The following SSPN variants were observed in gnomAD, a reference collection of about 807,000 sequenced individuals.
SSPN encodes the protein sarcospan, also known as K-ras oncogene-associated protein.
A neutral mutation model predicts 19.1 loss-of-function variants in SSPN; 15 were observed. The ratio of observed to expected loss-of-function variants is 0.78; its 90% CI spans 0.52 to 1.21. The LOEUF is 1.21. SSPN is among the 50% of genes most tolerant of loss of function. SSPN has a pLI of 0.00. For synonymous variants in SSPN, 147 were observed against 140.3 expected, an observed-to-expected ratio of 1.05 and a Z score of -0.34; for missense variants, 291 against 314.0, an observed-to-expected ratio of 0.93 and a Z score of 0.55.
chr12:26,176,448 C>T (rs1944684359), intron 1 of SSPN, among the ~76,000 whole-genome samples: 1 of 151,592 alleles, frequency 6.6e-6, no homozygotes, highest in Non-Finnish European at 1.5e-5. Context: ...AAATTTACTT[C>T]TGGAATTAAG....
intron 1 of SSPN, among the ~76,000 whole-genome samples, chr12:26,176,421 G>A (rs1944684187): frequency 6.6e-6 from 1 of 151,970 alleles, no homozygotes; most frequent in Non-Finnish European, 1.5e-5. Flanking sequence ...TCCTTAAAGC[G>A]GTATCAAAAG....
chr12:26,127,683 A>G (rs780556317), intron 1 of SSPN, among the ~76,000 whole-genome samples: 32 of 151,706 alleles, frequency 2.1e-4, no homozygotes, highest in Admixed American at 3.3e-4. Flanking sequence ...TTTCCCTGTT[A>G]AATGCCAGCT....
intron 1 of SSPN, among the ~76,000 whole-genome samples, chr12:26,136,068 C>T (rs1032399579): frequency 6.6e-6 from 1 of 152,202 alleles, no homozygotes; most frequent in Non-Finnish European, 1.5e-5. Flanking sequence ...TGTGTCTGTA[C>T]TGAACATGTA....
At chr12:26,123,561 T>C in intron 1 of SSPN, 14 of 1,078,884 alleles carry the variant, frequency 1.3e-5, no homozygotes, top group Non-Finnish European at 1.9e-5. Context: ...GGTGAGGGAG[T>C]CCTGACACTG....
chr12:26,150,220 G>A (rs888744698), intron 1 of SSPN, among the ~76,000 whole-genome samples: 1 of 152,150 alleles, frequency 6.6e-6, no homozygotes, highest in African/African-American at 2.4e-5. Flanking sequence ...GCAGCTTGGG[G>A]GTGCTTTATT....
chr12:26,124,958 G>A (rs1944350795), intron 1 of SSPN: 2 of 690,436 alleles, frequency 2.9e-6, no homozygotes, highest in Non-Finnish European at 5.2e-6. Context: ...CACCGCGCTC[G>A]CACACACACA....
intron 1 of SSPN, among the ~76,000 whole-genome samples, chr12:26,144,728 A>G (rs1344767760): frequency 6.6e-6 from 1 of 152,218 alleles, no homozygotes; most frequent in Non-Finnish European, 1.5e-5. Flanking sequence ...TTCAAGACAG[A>G]TACTGAGCTC....
At chr12:26,185,464 GTCGGTCAGCTCTTCCCCCAC>G (rs1944747347) in intron 1 of SSPN, among the ~76,000 whole-genome samples, 1 of 152,170 alleles carries the variant, frequency 6.6e-6, no homozygotes, top group Non-Finnish European at 1.5e-5. Flanking sequence ...TGGGTATTTA[GTCGGTCAGCTCTTCCCCCAC>G]TCACACAGCA....
chr12:26,122,613 G>A (rs752560010), intron 1 of SSPN: 9 of 1,135,200 alleles, frequency 7.9e-6, no homozygotes, highest in Non-Finnish European at 9.7e-6. Context: ...AAGCGCGGCT[G>A]CCGCCGCCGC....
chr12:26,212,827 T>C (rs999521998), intron 1 of SSPN, among the ~76,000 whole-genome samples: 1 of 152,164 alleles, frequency 6.6e-6, no homozygotes, highest in Non-Finnish European at 1.5e-5. Context: ...GAAGCTTCTA[T>C]TTTGAGCTTG....
Position 26,233,713 on chromosome 12 carries a change from A to G in SSPN, c.*2637A>G, listed in dbSNP as rs1244383853. On this transcript the variant is annotated 3_prime_UTR_variant, in exon 3 of 3. Transcript: ENST00000242729. The surrounding 1 kb of genome is among the most constrained non-coding windows in gnomAD (Gnocchi z 4.3). ...CGCCAAGATGGTGACTGTCTCCTCTAAACCACGAAAGAGTAAGATTTGTGC... is the reference window on the plus strand; with the variant it reads ...CGCCAAGATGGTGACTGTCTCCTCTGAACCACGAAAGAGTAAGATTTGTGC... The G allele has an allele frequency of 1.3e-5, 2 of 152,336 alleles. No individual in the cohort carries two copies. The highest frequency in any genetic ancestry group is 3.9e-4 in the East Asian group (2 of 5,192). 9.4% of individuals were successfully genotyped at this position (152,336 alleles called of 1,614,324 possible).
At chr12:26,122,898 C>G (rs1417662006) in intron 1 of SSPN, 3 of 1,548,896 alleles carry the variant, frequency 1.9e-6, no homozygotes, top group Non-Finnish European at 2.6e-6. Context: ...CTGCCCCGCG[C>G]GCTCCAGGCA....
intron 1 of SSPN, among the ~76,000 whole-genome samples, chr12:26,189,875 C>T (rs1204989293): frequency 6.6e-6 from 1 of 152,142 alleles, no homozygotes; most frequent in Non-Finnish European, 1.5e-5. Context: ...GAATTTGAGG[C>T]ACTTTTGGAA....
intron 2 of SSPN, among the ~76,000 whole-genome samples, chr12:26,225,877 C>A (rs1272135679): frequency 1.3e-5 from 2 of 151,886 alleles, no homozygotes; most frequent in Non-Finnish European, 2.9e-5. Context: ...CCCTCATTTT[C>A]CCCCCAGATG....
intron 1 of SSPN, among the ~76,000 whole-genome samples, chr12:26,184,720 A>T (rs1176790427): frequency 6.6e-6 from 1 of 152,206 alleles, no homozygotes; most frequent in Non-Finnish European, 1.5e-5. Context: ...GAGCATCCAC[A>T]GAGGAAAGAC....
In SSPN at chr12:26,145,416, TGG is replaced by T. The variant is rs1355529175; in HGVS notation, c.-31+23266_-31+23267del. 2.0e-5 allele frequency among the ~76,000 whole-genome samples: 3 copies of T among 152,118 alleles called. No homozygotes were observed. The East Asian group carries it at 5.8e-4, about 29-fold the overall frequency. The stretch of plus-strand genomic sequence containing the variant: ...GCTCTGATTCATCCAGTGTCAGGAA[TGG>T]GCCCACCCTTATGGTTGGGGGTGAA... On this transcript the variant is annotated intron_variant, in intron 1 of 2. Transcript: ENST00000538142.
chr12:26,140,030 C>T (rs1944449737), intron 1 of SSPN, among the ~76,000 whole-genome samples: 4 of 152,186 alleles, frequency 2.6e-5, no homozygotes. Context: ...GCTTCAATAT[C>T]ATCTTTATGC....
chr12:26,216,486 ATGAGTAGC>A, intron 1 of SSPN, among the ~76,000 whole-genome samples: 1 of 117,150 alleles, frequency 8.5e-6, no homozygotes. Context: ...CCTTTGTCAG[ATGAGTAGC>A]TTGCAAAAAT....
At chr12:26,167,589 A>T (rs1226777517) in intron 1 of SSPN, among the ~76,000 whole-genome samples, 2 of 151,980 alleles carry the variant, frequency 1.3e-5, no homozygotes, top group African/African-American at 4.8e-5. Context: ...GGCATGAAAA[A>T]CTTTCCCTCC....
Sources: allele counts gnomAD v4.1 joint callset (sites outside exome capture counted in the v4.1 genomes callset), GRCh38; gene constraint gnomAD v4.1.1; non-coding constraint Gnocchi (gnomAD v3.1); transcripts MANE v1.5; gene names NCBI Gene and HGNC (gene_info 2026-07-23, HGNC 2026-07-21).